DLGAP1: variants seen among roughly 807,000 people sequenced by gnomAD.
DLGAP1 encodes DLG associated protein 1, also known as disks large-associated protein 1.
Under a neutral mutation model 90.8 loss-of-function variants are expected in DLGAP1, and 11 were observed. The ratio of observed to expected loss-of-function variants is 0.12; its 90% CI spans 0.08 to 0.20. The LOEUF (loss-of-function observed/expected upper bound fraction) is 0.20. DLGAP1 is among the 10% of genes least tolerant of loss of function. The pLI is 1.00. For synonymous variants in DLGAP1, 558 were observed against 540.7 expected, an observed-to-expected ratio of 1.03 and a Z score of -0.44; for missense variants, 1,050 against 1,333.8, an observed-to-expected ratio of 0.79 and a Z score of 3.31.
chr18:3,719,025 A>C (rs948399471), intron 7 of DLGAP1, among the ~76,000 whole-genome samples: 6 of 152,130 alleles, frequency 3.9e-5, no homozygotes, highest in African/African-American at 1.4e-4. Context: ...TCCTTCTCTA[A>C]AAGTTTCTAA....
chr18:4,105,787 T>G (rs1420925247), intron 2 of DLGAP1, among the ~76,000 whole-genome samples: 1 of 151,994 alleles, frequency 6.6e-6, no homozygotes, highest in Non-Finnish European at 1.5e-5. Flanking sequence ...TCCCAGCACT[T>G]TGGGAGGCCG....
chr18:3,515,504 C>T (rs1424628089), intron 10 of DLGAP1, among the ~76,000 whole-genome samples: 3 of 144,534 alleles, frequency 2.1e-5, no homozygotes, highest in East Asian at 2.1e-4. Context: ...CAAGGCTGGG[C>T]GTGGTGGCTC....
intron 1 of DLGAP1, among the ~76,000 whole-genome samples, chr18:4,272,291 T>C (rs2079301758): frequency 6.6e-6 from 1 of 152,204 alleles, no homozygotes; most frequent in South Asian, 2.1e-4. Context: ...GAAGAATGCA[T>C]CAAAAAGTTA....
chr18:4,356,376 G>T (rs1439835610), intron 1 of DLGAP1, among the ~76,000 whole-genome samples: 3 of 152,056 alleles, frequency 2.0e-5, no homozygotes, highest in Non-Finnish European at 2.9e-5. Context: ...TCTCTACATA[G>T]ATTACCAGTA....
intron 3 of DLGAP1, among the ~76,000 whole-genome samples, chr18:3,931,863 C>T (rs560049746): frequency 8.5e-4 from 129 of 152,306 alleles, no homozygotes; most frequent in South Asian, 2.9e-3. Context: ...TGGGAGTTCA[C>T]ATTTGACTTC....
At chr18:3,709,957 G>C (rs1213023654) in intron 7 of DLGAP1, among the ~76,000 whole-genome samples, 2 of 152,132 alleles carry the variant, frequency 1.3e-5, no homozygotes, top group Non-Finnish European at 2.9e-5. Flanking sequence ...TTATACATCA[G>C]TTCACAAAAC....
intron 2 of DLGAP1, among the ~76,000 whole-genome samples, chr18:4,123,933 C>A (rs1187492633): frequency 6.6e-6 from 1 of 152,148 alleles, no homozygotes; most frequent in African/African-American, 2.4e-5. Flanking sequence ...CTCTGAGATT[C>A]TTGGTGTTTC....
intron 7 of DLGAP1, among the ~76,000 whole-genome samples, chr18:3,618,386 G>A (rs2057958131): frequency 6.6e-6 from 1 of 152,072 alleles, no homozygotes; most frequent in African/African-American, 2.4e-5. Context: ...CTGTCAAACA[G>A]CCCTTTCAAA....
In DLGAP1 at chr18:4,345,783, A is replaced by G. The variant is rs577020130; in HGVS notation, c.-267+109223T>C. On this transcript the variant is annotated intron_variant, in intron 1 of 12. Coordinates refer to ENST00000315677, the MANE Select transcript of DLGAP1 (RefSeq NM_004746.4). ...ACTTTTTCCCTTCTGCTATGTGTCT[A>G]GTTAGTTAATATAGCTTTCCAATTT... 2.0e-5 allele frequency among the ~76,000 whole-genome samples: 3 copies of G among 152,266 alleles called. No individual in the cohort carries two copies. In the South Asian group the frequency reaches 6.2e-4, roughly 32 times the overall value.
At position 4,351,963 on chromosome 18, in the gene DLGAP1, T is replaced by C. The variant is rs148714261; in HGVS notation, c.-267+103043A>G. ...AAATCCTACCTCACGGATTGCCTTA[T>C]CACACTTAATTTACAAATCTGGAAT... On this transcript the variant is annotated intron_variant, in intron 1 of 12. Transcript: ENST00000315677. Among the ~76,000 whole-genome samples the C allele has an allele frequency of 2.5e-3, 387 of 152,302 alleles. 3 individuals carry two copies. The highest frequency in any genetic ancestry group is 8.5e-3 in the African/African-American group (353 of 41,566).
At chr18:3,910,021 C>A (rs557403973) in intron 3 of DLGAP1, among the ~76,000 whole-genome samples, 134 of 151,604 alleles carry the variant, frequency 8.8e-4, no homozygotes, top group African/African-American at 3.2e-3. Context: ...CTGAGAGTGT[C>A]CTTCCGAGAA....
At chr18:3,960,284 G>T (rs1037440365) in intron 3 of DLGAP1, among the ~76,000 whole-genome samples, 1 of 152,138 alleles carries the variant, frequency 6.6e-6, no homozygotes, top group African/African-American at 2.4e-5. Context: ...TTGTCTGCTA[G>T]GTCTCTTCTT....
At chr18:3,876,420 G>A (rs775472190) in intron 4 of DLGAP1, among the ~76,000 whole-genome samples, 1 of 152,088 alleles carries the variant, frequency 6.6e-6, no homozygotes, top group Non-Finnish European at 1.5e-5. Flanking sequence ...TGAAAGTCTT[G>A]CATAAATAGA....
intron 1 of DLGAP1, among the ~76,000 whole-genome samples, chr18:4,307,504 G>C (rs777302709): frequency 1.6e-4 from 24 of 151,998 alleles, no homozygotes; most frequent in Non-Finnish European, 3.1e-4. Context: ...CAATATTCTA[G>C]GTGCTTTACA....
chr18:3,623,189 A>G (rs28545045), intron 7 of DLGAP1, among the ~76,000 whole-genome samples: 63,974 of 151,980 alleles, frequency 0.42, 15,607 homozygotes, highest in African/African-American at 0.66. Flanking sequence ...CTGGTGAAAC[A>G]GGCATGCTAA....
At chr18:3,697,238 C>T (rs1229145999) in intron 7 of DLGAP1, among the ~76,000 whole-genome samples, 1 of 151,848 alleles carries the variant, frequency 6.6e-6, no homozygotes, top group Non-Finnish European at 1.5e-5. Context: ...CTAGCTTTTG[C>T]ATTTGTTTGC....
chr18:3,858,155 T>G (rs1279499271), intron 4 of DLGAP1, among the ~76,000 whole-genome samples: 1 of 152,180 alleles, frequency 6.6e-6, no homozygotes, highest in African/African-American at 2.4e-5. Flanking sequence ...CTACATTAAT[T>G]ATCTCAGTTG....
chr18:3,831,717 G>A (rs1315257542), intron 4 of DLGAP1, among the ~76,000 whole-genome samples: 1 of 152,110 alleles, frequency 6.6e-6, no homozygotes, highest in Non-Finnish European at 1.5e-5. Flanking sequence ...ATCTCCTTTG[G>A]CCCATTGCAC....
intron 3 of DLGAP1, among the ~76,000 whole-genome samples, chr18:3,968,524 C>G (rs2073376487): frequency 6.6e-6 from 1 of 152,144 alleles, no homozygotes; most frequent in South Asian, 2.1e-4. Flanking sequence ...TTTGTGCAAT[C>G]TCTTTACCCA....
Sources: allele counts gnomAD v4.1 joint callset (sites outside exome capture counted in the v4.1 genomes callset), GRCh38; gene constraint gnomAD v4.1.1; transcripts MANE v1.5; gene names NCBI Gene and HGNC (gene_info 2026-07-23, HGNC 2026-07-21).